CLRN1: variants seen among roughly 807,000 people sequenced by gnomAD.
The protein encoded by CLRN1 is clarin 1, also known as clarin-1.
CLRN1 carries 15 observed loss-of-function variants against 18.7 expected under a neutral mutation model. That is an observed-to-expected ratio of 0.80 (90% confidence interval 0.54 to 1.23). The LOEUF (loss-of-function observed/expected upper bound fraction) is 1.23. CLRN1 is among the 50% of genes most tolerant of loss of function. The pLI is 0.00. For synonymous variants in CLRN1, 104 were observed against 102.9 expected (o/e 1.01, Z -0.07); for missense variants, 311 against 277.5 (o/e 1.12, Z -0.86).
chr3:150,929,369 T>C (rs760984038), intron 2 of CLRN1, among the ~76,000 whole-genome samples: 13 of 152,130 alleles, frequency 8.5e-5, no homozygotes, highest in Non-Finnish European at 1.8e-4. Flanking sequence ...CAGGAGCACA[T>C]AGGATGGCCA....
chr3:150,935,740 A>G (rs1713444235), intron 2 of CLRN1, among the ~76,000 whole-genome samples: 1 of 151,222 alleles, frequency 6.6e-6, no homozygotes. Flanking sequence ...CCAATGGTTG[A>G]ACTAGTTTAT....
intron 1 of CLRN1, among the ~76,000 whole-genome samples, chr3:150,951,103 G>A (rs903710532): frequency 6.6e-6 from 1 of 151,938 alleles, no homozygotes; most frequent in East Asian, 1.9e-4. Context: ...GAGAACTTAC[G>A]AACACAAAGA....
Position 150,972,574 on chromosome 3 carries a change from C to T in CLRN1, c.135G>A (p.Leu45=), listed in dbSNP as rs758640662. The T allele has an allele frequency of 6.2e-7, 1 of 1,614,252 alleles. No individual in the cohort carries two copies. Among genetic ancestry groups the T allele is most frequent in the Non-Finnish European group, 8.5e-7 (1 of 1,180,050 alleles). The change falls in exon 1 of 3, where the codon CTG becomes CTA. Residue 45 remains leucine (L), a synonymous_variant. Coordinates refer to ENST00000327047, the MANE Select transcript of CLRN1 (RefSeq NM_174878.3). The part of the protein sequence containing the change: ...KATVLCKTGA[L]LVNASGQELD... ...GCTCCTGCCCTGAGGCATTGACGAG[C>T]AGAGCTCCCGTTTTGCAGAGGACAG...
chr3:150,927,910 T>A lies in CLRN1; in HGVS notation c.*26A>T. 2 of 1,613,782 alleles carry A rather than the reference T, an allele frequency of 1.2e-6. No individual in the cohort carries two copies. Among genetic ancestry groups the A allele is most frequent in the South Asian group, 2.2e-5 (2 of 91,050 alleles). ...AGTGACCAAAGCAAGTCTACTCCCT[T>A]GTAAAATTATAGAAAGGTTTGCCTT... On this transcript the variant is annotated 3_prime_UTR_variant, in exon 3 of 3. Transcript: ENST00000327047.
At chr3:150,967,336 G>A (rs1294291169) in intron 1 of CLRN1, among the ~76,000 whole-genome samples, 1 of 152,042 alleles carries the variant, frequency 6.6e-6, no homozygotes, top group African/African-American at 2.4e-5. Context: ...GAAGTTGAAG[G>A]TTTTTCTTTC....
chr3:150,950,034 C>G (rs1714401190), intron 1 of CLRN1, among the ~76,000 whole-genome samples: 2 of 152,100 alleles, frequency 1.3e-5, no homozygotes, highest in Admixed American at 1.3e-4. Flanking sequence ...TGATCTTCAA[C>G]AAACCTGGGA....
chr3:150,972,396 C>G, intron 1 of CLRN1, 60 bp downstream of exon 1: 1 of 1,611,574 alleles, frequency 6.2e-7, no homozygotes, highest in Non-Finnish European at 8.5e-7. Context: ...TATAATTCCT[C>G]GCAACACTGG....
chr3:150,970,517 G>GA (rs11464588), intron 1 of CLRN1, among the ~76,000 whole-genome samples: 59,284 of 144,044 alleles, frequency 0.41, 12,760 homozygotes, highest in Non-Finnish European at 0.51. Context: ...TTATGCTTAG[G>GA]AAAAAAAAAA....
At position 150,927,121 on chromosome 3, in the gene CLRN1, A is replaced by G. The variant is rs1397342628; in HGVS notation, c.*815T>C. ...TGATTCCTCAGTGGTCCTAACAATT[A>G]TGTTCATTGAAAGTACTGTCGTGAA... On this transcript the variant is annotated 3_prime_UTR_variant, in exon 3 of 3. Coordinates refer to ENST00000327047, the MANE Select transcript of CLRN1 (RefSeq NM_174878.3). 2 of 716,690 alleles carry G rather than the reference A, an allele frequency of 2.8e-6. No homozygotes were observed. Among genetic ancestry groups the G allele is most frequent in the East Asian group, 5.7e-5 (2 of 34,988 alleles). 44.4% of individuals were successfully genotyped at this position (716,690 alleles called of 1,614,324 possible). A position where few individuals can be genotyped will look rare whatever the true frequency, so the allele number is the denominator to read the frequency against.
At chr3:150,965,893 G>T (rs895564168) in intron 1 of CLRN1, among the ~76,000 whole-genome samples, 4 of 152,232 alleles carry the variant, frequency 2.6e-5, no homozygotes, top group Non-Finnish European at 5.9e-5. Flanking sequence ...GTTACTAGGG[G>T]AAGGGAGAAA....
chr3:150,961,313 C>T (rs1043327988), intron 1 of CLRN1, among the ~76,000 whole-genome samples: 3 of 152,200 alleles, frequency 2.0e-5, no homozygotes, highest in Non-Finnish European at 2.9e-5. Context: ...ACTTTTAAAG[C>T]ATTCCAATGC....
chr3:150,936,057 A>C (rs1457435992), intron 2 of CLRN1, among the ~76,000 whole-genome samples: 2 of 151,982 alleles, frequency 1.3e-5, no homozygotes, highest in South Asian at 2.1e-4. Context: ...CCTTTGTCAG[A>C]TGAGTAGGTT....
intron 1 of CLRN1, among the ~76,000 whole-genome samples, chr3:150,950,203 A>G (rs979730765): frequency 4.6e-5 from 7 of 152,212 alleles, no homozygotes; most frequent in African/African-American, 1.7e-4. Context: ...CAAAACTATA[A>G]AAACCCTAGA....
intron 1 of CLRN1, among the ~76,000 whole-genome samples, chr3:150,963,006 A>G (rs1342653733): frequency 6.6e-6 from 1 of 152,184 alleles, no homozygotes; most frequent in African/African-American, 2.4e-5. Context: ...CTTCAATACT[A>G]TTCTTAAAAT....
chr3:150,972,543 TG>T lies in CLRN1; in HGVS notation c.165del (p.Asp55GlufsTer17), dbSNP rs1235835151. On this transcript the variant is annotated frameshift_variant, in exon 1 of 3. Transcript: ENST00000327047. LOFTEE classifies it high-confidence loss of function. ...CCGTACTGCATTTCACCCATAAACT[TG>T]TCCAGCTCCTGCCCTGAGGCATTGA... The part of the protein sequence containing the change: ...LLVNASGQEL[D>X]KFMGEMQYGL... The T allele has an allele frequency of 6.2e-7, 1 of 1,614,188 alleles. No homozygotes were observed. The highest frequency in any genetic ancestry group is 8.5e-7 in the Non-Finnish European group (1 of 1,180,038).
intron 1 of CLRN1, among the ~76,000 whole-genome samples, chr3:150,959,334 T>C (rs901238237): frequency 1.3e-5 from 2 of 152,114 alleles, no homozygotes; most frequent in Non-Finnish European, 2.9e-5. Flanking sequence ...TAATGTTATT[T>C]TCAATAGGTT....
chr3:150,927,538 G>A lies in CLRN1; in HGVS notation c.*398C>T. On this transcript the variant is annotated 3_prime_UTR_variant, in exon 3 of 3. Transcript: ENST00000327047. ...ATTGCAGCTCAGTTTTCTGAAATCT[G>A]GCAACAAATGTGTGGATATATTAGA... 2.2e-6 allele frequency: 1 copy of A among 456,110 alleles called. No homozygotes were observed. The highest frequency in any genetic ancestry group is 1.6e-5 in the South Asian group (1 of 64,172). The allele number at this position is 456,110 out of a possible 1,614,324, so 28.3% of individuals were successfully genotyped here.
At chr3:150,957,519 C>T (rs1181448323) in intron 1 of CLRN1, among the ~76,000 whole-genome samples, 1 of 152,176 alleles carries the variant, frequency 6.6e-6, no homozygotes. Flanking sequence ...GGCATTTAGG[C>T]CTGTTGACTG....
At chr3:150,963,542 T>A (rs1019063822) in intron 1 of CLRN1, among the ~76,000 whole-genome samples, 1 of 152,214 alleles carries the variant, frequency 6.6e-6, no homozygotes, top group African/African-American at 2.4e-5. Flanking sequence ...ATTGACTTTC[T>A]TCACAGAATT....
Sources: gnomAD v4.1 joint callset for allele counts (sites outside exome capture counted in the v4.1 genomes callset) on GRCh38, gnomAD v4.1.1 for gene constraint, MANE v1.5 for transcripts, NCBI Gene and HGNC (gene_info 2026-07-23, HGNC 2026-07-21) for gene names.